FAN1: variants seen among roughly 807,000 people sequenced by gnomAD.
The protein encoded by FAN1 is fanconi-associated nuclease 1.
A neutral mutation model predicts 104.9 loss-of-function variants in FAN1; 91 were observed. The ratio of observed to expected loss-of-function variants is 0.87; its 90% confidence interval spans 0.73 to 1.03. The LOEUF is 1.03. Ranked by LOEUF, FAN1 falls within the 50% of genes least tolerant of loss-of-function variation. FAN1 has a pLI of 0.00. For synonymous variants in FAN1, 478 were observed against 457.6 expected (o/e 1.04, Z -0.57); for missense variants, 1,263 against 1,239.9 (o/e 1.02, Z -0.28).
intron 14 of FAN1, chr15:30,940,719 G>GTA: frequency 1.0e-6 from 1 of 989,090 alleles, no homozygotes; most frequent in Non-Finnish European, 1.2e-6. Flanking sequence ...ATGAAGCTTA[G>GTA]TATGAAAAGC....
chr15:30,915,871 G>A (rs1566917166), intron 5 of FAN1, among the ~76,000 whole-genome samples: 1 of 152,052 alleles, frequency 6.6e-6, no homozygotes, highest in Non-Finnish European at 1.5e-5. Context: ...AATTAATTTG[G>A]ATTTCCTAAA....
intron 4 of FAN1, 170 bp downstream of exon 4, chr15:30,910,985 T>C (rs984232361): frequency 7.6e-7 from 1 of 1,318,580 alleles, no homozygotes; most frequent in Non-Finnish European, 9.6e-7. Flanking sequence ...CTTGGGTTAT[T>C]ATTCAAAATT....
Position 30,904,777 on chromosome 15 carries a change from A to G in FAN1, c.114A>G (p.Pro38=). 1 of 1,613,642 alleles carries G rather than the reference A, an allele frequency of 6.2e-7. No homozygotes were observed. Among genetic ancestry groups the G allele is most frequent in the Non-Finnish European group, 8.5e-7 (1 of 1,179,586 alleles). ...TTATTTCGTGTTTTAACAATGCACC[A>G]CCTGCTAAACTTGCCTGCCCCGTTT... The part of the protein sequence containing the change: ...NSIISCFNNA[P]PAKLACPVCS... Residue 38 remains proline (P), a synonymous_variant, in exon 2 of 15, where the codon CCA becomes CCG. Coordinates refer to ENST00000362065, the MANE Select transcript of FAN1 (RefSeq NM_014967.5).
chr15:30,926,774 G>A (rs2062474508), intron 10 of FAN1: 5 of 985,244 alleles, frequency 5.1e-6, no homozygotes, highest in South Asian at 4.7e-5. Context: ...ACGTGGGAGC[G>A]CTGAAATGCT....
At chr15:30,929,879 TAATA>T (rs1397470381) in intron 12 of FAN1, among the ~76,000 whole-genome samples, 1 of 92,602 alleles carries the variant, frequency 1.1e-5, no homozygotes, top group African/African-American at 4.7e-5. Flanking sequence ...ATAAAATATA[TAATA>T]TATATCATAT....
At chr15:30,906,700 G>A (rs1199445898) in intron 2 of FAN1, among the ~76,000 whole-genome samples, 2 of 152,302 alleles carry the variant, frequency 1.3e-5, no homozygotes, top group East Asian at 3.9e-4. Context: ...TCAAGGGAAG[G>A]ATTTCTATTT....
In FAN1 at chr15:30,942,245, A is replaced by G. The variant is rs187935633; in HGVS notation, c.*683A>G. ...TCTAATCCTCCTCCCCTGGAATTAC[A>G]CTTTTTTATGTGTTGACTCTACCTA... On this transcript the variant is annotated 3_prime_UTR_variant, in exon 15 of 15. Coordinates refer to ENST00000362065, the MANE Select transcript of FAN1 (RefSeq NM_014967.5). 3.1e-4 allele frequency: 258 copies of G among 823,714 alleles called. No homozygotes were observed. Among genetic ancestry groups the G allele is most frequent in the African/African-American group, 1.4e-3 (79 of 58,436 alleles). 51.0% of individuals were successfully genotyped at this position (823,714 alleles called of 1,614,324 possible). A position where few individuals can be genotyped will look rare whatever the true frequency, so the allele number is the denominator to read the frequency against.
At position 30,922,135 on chromosome 15, in the gene FAN1, G is replaced by A. The variant is rs1055581932; in HGVS notation, c.2053-100G>A. 21 of 1,398,826 alleles carry A rather than the reference G, an allele frequency of 1.5e-5. No individual in the cohort carries two copies. The African/African-American group carries it at 1.6e-4, about 11-fold the overall frequency. 86.7% of individuals were successfully genotyped at this position (1,398,826 alleles called of 1,614,324 possible). ...GCCTCATTGTAGAATGGAAAGATAC[G>A]CATTATAAATAGGCTTTACCAATCC... On this transcript the variant is annotated intron_variant, in intron 7 of 14. Transcript: ENST00000362065.
At chr15:30,941,456 G>A (rs770686987) in intron 14 of FAN1, 110 bp from the exon 15 acceptor site, 24 of 1,589,632 alleles carry the variant, frequency 1.5e-5, no homozygotes, top group Admixed American at 5.3e-5. Context: ...AAAATGTTCA[G>A]AAAACACCCT....
Position 30,905,439 on chromosome 15 carries a change from A to G in FAN1, c.776A>G (p.Asp259Gly). The change falls in exon 2 of 15, where the codon GAT (aspartate) becomes GGT (glycine). Residue 259 changes from aspartate to glycine, a missense_variant. By Grantham distance (94) the Asp-to-Gly change is moderately conservative. This residue lies in a region of FAN1 where 682 missense variants were observed against 571.1 expected (regional missense o/e 1.19). Transcript: ENST00000362065. ...EKSALTPGFS[D>G]NAIMLFSPDF... Reference sequence around the variant, plus strand: ...TCAGCCCTCACCCCTGGATTCTCAGATAATGCGATCATGTTATTCTCACCA... The same window carrying G: ...TCAGCCCTCACCCCTGGATTCTCAGGTAATGCGATCATGTTATTCTCACCA... 3 of 1,614,136 alleles carry G rather than the reference A, an allele frequency of 1.9e-6. No homozygotes were observed. Among genetic ancestry groups the G allele is most frequent in the Non-Finnish European group, 2.5e-6 (3 of 1,179,988 alleles).
At position 30,910,633 on chromosome 15, in the gene FAN1, C is replaced by T; in HGVS notation, c.1395C>T (p.Leu465=). ...TTTCAGAATCTGAGTTGCAAGAACT[C>T]TCTGAAGTGCTTGAACTCCTTTCTG... ...FLQTESELQE[L]SEVLELLSAP... The change falls in exon 4 of 15, where the codon CTC becomes CTT. Residue 465 remains leucine, a synonymous_variant. Coordinates refer to ENST00000362065, the MANE Select transcript of FAN1 (RefSeq NM_014967.5). The T allele has an allele frequency of 6.2e-7, 1 of 1,607,460 alleles. No homozygotes were observed. The highest frequency in any genetic ancestry group is 8.5e-7 in the Non-Finnish European group (1 of 1,176,538).
intron 4 of FAN1, chr15:30,911,362 G>A: frequency 1.4e-5 from 14 of 985,020 alleles, no homozygotes; most frequent in Non-Finnish European, 1.7e-5. Flanking sequence ...TCTAGCCTGG[G>A]AATTCACTAC....
At chr15:30,938,943 C>A in intron 14 of FAN1, 5 of 985,394 alleles carry the variant, frequency 5.1e-6, no homozygotes, top group Non-Finnish European at 6.0e-6. Flanking sequence ...CAACAACAAA[C>A]AGTCGCTGTG....
At position 30,905,537 on chromosome 15, in the gene FAN1, G is replaced by A. The variant is rs1288059194; in HGVS notation, c.874G>A (p.Val292Met). The A allele has an allele frequency of 6.2e-7, 1 of 1,613,936 alleles. No individual in the cohort carries two copies. The highest frequency in any genetic ancestry group is 1.1e-5 in the South Asian group (1 of 91,086). ...TGTAAAGCAAGAGTGTATCAAAGAAGTGGTTGAAAAACGTGAGGCATGTCA... is the reference window on the plus strand; with the variant it reads ...TGTAAAGCAAGAGTGTATCAAAGAAATGGTTGAAAAACGTGAGGCATGTCA... ...SLVKQECIKE[V>M]VEKREACHCE... is the part of the protein sequence containing the mutation. Residue 292 changes from valine (V) to methionine (M), a missense_variant, in exon 2 of 15, where the codon GTG becomes ATG. This residue lies in a region of FAN1 where 682 missense variants were observed against 571.1 expected (regional missense o/e 1.19). Transcript: ENST00000362065.
chr15:30,934,398 G>C (rs1386761430), intron 13 of FAN1, among the ~76,000 whole-genome samples: 1 of 152,048 alleles, frequency 6.6e-6, no homozygotes, highest in Non-Finnish European at 1.5e-5. Context: ...TGGGGTGTTT[G>C]GAACATTTAC....
In FAN1 at chr15:30,925,875, C is replaced by T. The variant is rs1460332734; in HGVS notation, c.2424C>T (p.Thr808=). 6.2e-7 allele frequency: 1 copy of T among 1,614,230 alleles called. No individual in the cohort carries two copies. The highest frequency in any genetic ancestry group is 2.2e-5 in the East Asian group (1 of 44,882). Residue 808 remains threonine (T), a synonymous_variant, in exon 10 of 15, where the codon ACC becomes ACT. Transcript: ENST00000362065. ...VMEAGEAADP[T]TVLCSVEELA... ...AGGCCGGGGAGGCCGCTGACCCCACCACGGTCCTGTGCTCTGTGGAGGAGC... is the reference window on the plus strand; with the variant it reads ...AGGCCGGGGAGGCCGCTGACCCCACTACGGTCCTGTGCTCTGTGGAGGAGC...
chr15:30,904,366 C>G, intron 1 of FAN1, 146 bp from the exon 2 acceptor site: 1 of 507,130 alleles, frequency 2.0e-6, no homozygotes, highest in East Asian at 3.7e-5. Flanking sequence ...GCGTACAGAG[C>G]TTGTCGGAGG....
rs934976276 is a variant in FAN1 at position 30,911,063 on chromosome 15, T to G, written c.1577+248T>G. 4 of 1,228,728 alleles carry G rather than the reference T, an allele frequency of 3.3e-6. No homozygotes were observed. In the African/African-American group the frequency reaches 6.2e-5, roughly 19 times the overall value. The allele number at this position is 1,228,728 out of a possible 1,614,324, so 76.1% of individuals were successfully genotyped here. ...GGAAGGCAATAGGCCTTTGGTAAAT[T>G]GTAGTATTTTATTTTCCGAGAAAAA... On this transcript the variant is annotated intron_variant, in intron 4 of 14. Transcript: ENST00000362065.
Position 30,914,088 on chromosome 15 carries a change from T to C in FAN1, c.1808T>C (p.Ile603Thr), listed in dbSNP as rs762589841. The change falls in exon 5 of 15, where the codon ATC becomes ACC. Residue 603 changes from isoleucine to threonine, a missense_variant. Coordinates refer to ENST00000362065, the MANE Select transcript of FAN1 (RefSeq NM_014967.5). Reference protein sequence around the residue: ...THIFQDRDDLIRYAAATHMLS... With the variant: ...THIFQDRDDLTRYAAATHMLS... ...ATCTTCCAAGACAGAGATGATCTTATCAGGTAAGATGATGTTAGCTCACTA... is the reference window on the plus strand; with the variant it reads ...ATCTTCCAAGACAGAGATGATCTTACCAGGTAAGATGATGTTAGCTCACTA... 27 of 1,596,298 alleles carry C rather than the reference T, an allele frequency of 1.7e-5. 2 individuals carry two copies. Among genetic ancestry groups the C allele is most frequent in the African/African-American group, 5.4e-5 (4 of 74,556 alleles).
Sources: allele counts gnomAD v4.1 joint callset (sites outside exome capture counted in the v4.1 genomes callset), GRCh38; gene constraint gnomAD v4.1.1; regional missense constraint gnomAD v4.1.1; transcripts MANE v1.5; gene names NCBI Gene and HGNC (gene_info 2026-07-23, HGNC 2026-07-21).